The following NCKIPSD variants were observed in gnomAD, a reference collection of about 807,000 sequenced individuals.
NCKIPSD encodes the protein NCK interacting protein with SH3 domain.
Under a neutral mutation model 73.4 loss-of-function variants are expected in NCKIPSD, and 48 were observed. The observed-to-expected ratio is 0.65, with a 90% CI of 0.52 to 0.83. The LOEUF is 0.83. Among genes scored for constraint, NCKIPSD ranks in the 40% least tolerant of loss-of-function variants. NCKIPSD has a pLI of 0.00. For synonymous variants in NCKIPSD, 422 were observed against 403.6 expected (o/e 1.05, Z -0.54); for missense variants, 884 against 970.2 (o/e 0.91, Z 1.18).
At position 48,674,512 on chromosome 3, in the gene NCKIPSD, T is replaced by G; in HGVS notation, c.*32A>C. On this transcript the variant is annotated 3_prime_UTR_variant, in exon 13 of 13. Transcript: ENST00000294129. ...GCCCCTGAGTCCCCTGCACACTGAC[T>G]GGAGCTGCAGGGAAGGGAGGACAGC... The G allele has an allele frequency of 6.4e-7, 1 of 1,559,744 alleles. No individual in the cohort carries two copies.
At chr3:48,683,080 C>A in intron 1 of NCKIPSD, 68 bp from the exon 2 acceptor site, 1 of 1,540,764 alleles carries the variant, frequency 6.5e-7, no homozygotes. Context: ...AGGCCCAGCC[C>A]GAGATAGAAC....
chr3:48,679,754 C>T (rs747732269), intron 7 of NCKIPSD, 41 bp from the exon 8 acceptor site: 3 of 1,614,040 alleles, frequency 1.9e-6, no homozygotes, highest in African/African-American at 2.7e-5. Context: ...GGAACTCCCC[C>T]ACTATCTAGG....
chr3:48,679,421 G>C lies in NCKIPSD; in HGVS notation c.1526C>G (p.Ala509Gly), dbSNP rs2077309894. The C allele has an allele frequency of 6.2e-7, 1 of 1,613,916 alleles. No homozygotes were observed. Reference sequence around the variant, plus strand: ...TGCCTCTCCCATGGAGAAGACCATGGCCAGGATGAGGGCAGAGTAACAGAG... The same window carrying C: ...TGCCTCTCCCATGGAGAAGACCATGCCCAGGATGAGGGCAGAGTAACAGAG... ...QKLCYSALIL[A>G]MVFSMGEAVP... Residue 509 changes from alanine (A) to glycine (G), a missense_variant, in exon 9 of 13, where the codon GCC (alanine) becomes GGC (glycine). Physicochemically the swap from Ala to Gly is moderately conservative, Grantham distance 60. Transcript: ENST00000294129.
At position 48,678,927 on chromosome 3, in the gene NCKIPSD, G is replaced by T; in HGVS notation, c.1742C>A (p.Ala581Asp). ...NVIMAALSKH[A>D]NVKIFSEKLL... ...CTTCTCGGAGAAGATCTTGACATTG[G>T]CGTGTTTGCTCAGGGCAGCCATGAT... Residue 581 changes from alanine to aspartate, a missense_variant, in exon 11 of 13, where the codon GCC becomes GAC. Physicochemically the swap from Ala to Asp is moderately radical, Grantham distance 126. Coordinates refer to ENST00000294129, the MANE Select transcript of NCKIPSD (RefSeq NM_016453.4). 1 of 1,614,044 alleles carries T rather than the reference G, an allele frequency of 6.2e-7. No individual in the cohort carries two copies. The highest frequency in any genetic ancestry group is 2.2e-5 in the East Asian group (1 of 44,876).
At chr3:48,685,191 AAGGGAGGGAGGG>A (rs377051084) in intron 1 of NCKIPSD, among the ~76,000 whole-genome samples, 675 of 34,190 alleles carry the variant, frequency 0.02, 35 homozygotes, top group African/African-American at 0.094. Flanking sequence ...GGGAAGAAGG[AAGGGAGGGAGGG>A]AGGGAGGGAG....
rs755358234 is a variant in NCKIPSD at position 48,674,744 on chromosome 3, G to T, written c.1969C>A (p.Arg657Ser). 1 of 1,613,740 alleles carries T rather than the reference G, an allele frequency of 6.2e-7. No homozygotes were observed. The highest frequency in any genetic ancestry group is 1.1e-5 in the South Asian group (1 of 91,032). Reference protein sequence around the residue: ...IADLSPGDKLRMEYLSLMHAI... With the variant: ...IADLSPGDKLSMEYLSLMHAI... The stretch of plus-strand genomic sequence containing the variant: ...TGCATCAGGGAGAGGTACTCCATGC[G>T]CAGCTGTGGGAAGAGCAGGCCAGCT... Residue 657 changes from arginine (R) to serine (S), a missense_variant, in exon 13 of 13, where the codon CGC becomes AGC. Coordinates refer to ENST00000294129, the MANE Select transcript of NCKIPSD (RefSeq NM_016453.4).
intron 1 of NCKIPSD, 132 bp from the exon 2 acceptor site, chr3:48,683,144 A>C: frequency 6.8e-7 from 1 of 1,476,922 alleles, no homozygotes; most frequent in Non-Finnish European, 9.1e-7. Flanking sequence ...ATAGCACAAA[A>C]AGTTGAACCA....
rs762302886 is a variant in NCKIPSD at position 48,681,308 on chromosome 3, G to A, written c.1071C>T (p.Leu357=). The part of the protein sequence containing the change: ...PASSPVMEQV[L]LSLVEGKDLS... ...TCACCTTGCCCTCTACGAGTGAGAG[G>A]AGGACCTGCTCCATGACTGGTGAGC... The change falls in exon 5 of 13, where the codon CTC becomes CTT. Residue 357 remains leucine, a synonymous_variant. Transcript: ENST00000294129. 9 of 1,607,598 alleles carry A rather than the reference G, an allele frequency of 5.6e-6. No homozygotes were observed. The highest frequency in any genetic ancestry group is 5.9e-6 in the Non-Finnish European group (7 of 1,178,536).
chr3:48,678,825 A>T, intron 11 of NCKIPSD, 52 bp downstream of exon 11: 3 of 1,613,648 alleles, frequency 1.9e-6, no homozygotes, highest in Non-Finnish European at 2.5e-6. Flanking sequence ...TGCAGGGGTC[A>T]TGGAGTCACA....
In NCKIPSD at chr3:48,682,530, C is replaced by G. The variant is rs2077371941; in HGVS notation, c.304G>C (p.Glu102Gln). ...GAAGGGCCTCTGCGTGACAGGGTCT[C>G]TTTCCGGTGGTGGATCAGCTTCCTG... ...VLQKLIHHRK[E>Q]TLSRRGPSAS... Residue 102 changes from glutamate to glutamine, a missense_variant, in exon 3 of 13, where the codon GAG becomes CAG. Coordinates refer to ENST00000294129, the MANE Select transcript of NCKIPSD (RefSeq NM_016453.4). The G allele has an allele frequency of 6.2e-7, 1 of 1,614,058 alleles. No homozygotes were observed. Among genetic ancestry groups the G allele is most frequent in the Non-Finnish European group, 8.5e-7 (1 of 1,179,974 alleles).
At chr3:48,685,597 C>T in intron 1 of NCKIPSD, 40 bp downstream of exon 1, 2 of 1,500,532 alleles carry the variant, frequency 1.3e-6, no homozygotes, top group Non-Finnish European at 8.8e-7. Context: ...GGGGTCCTGC[C>T]CCAGGGGCGC....
At position 48,679,038 on chromosome 3, in the gene NCKIPSD, G is replaced by A; in HGVS notation, c.1699+17C>T. The A allele has an allele frequency of 6.2e-7, 1 of 1,614,136 alleles. No individual in the cohort carries two copies. Among genetic ancestry groups the A allele is most frequent in the Non-Finnish European group, 8.5e-7 (1 of 1,180,014 alleles). On this transcript the variant is annotated intron_variant, in intron 10 of 12. Transcript: ENST00000294129. The stretch of plus-strand genomic sequence containing the variant: ...CCACCATGTGCTCAGCCACCGCCCA[G>A]CCAGGCCCCACCCCACCTGGCAGGT...
At chr3:48,675,346 CTT>C (rs1352334219) in intron 12 of NCKIPSD, among the ~76,000 whole-genome samples, 44 of 151,648 alleles carry the variant, frequency 2.9e-4, no homozygotes, top group Admixed American at 7.9e-4. Context: ...CTCTTTGCTT[CTT>C]GTCTCCCACA....
At position 48,674,373 on chromosome 3, in the gene NCKIPSD, C is replaced by T. The variant is rs2077219830; in HGVS notation, c.*171G>A. On this transcript the variant is annotated 3_prime_UTR_variant, in exon 13 of 13. Transcript: ENST00000294129. ...CAGAACAGCTCCCAGACCATGGTCC[C>T]CAATCCTACACTTGGCCCCTCTCTT... 4.8e-6 allele frequency: 7 copies of T among 1,444,666 alleles called. No individual in the cohort carries two copies. The South Asian group carries it at 8.7e-5, about 18-fold the overall frequency. 89.5% of individuals were successfully genotyped at this position (1,444,666 alleles called of 1,614,324 possible).
chr3:48,676,670 T>A (rs1331528343), intron 12 of NCKIPSD, among the ~76,000 whole-genome samples: 1 of 152,086 alleles, frequency 6.6e-6, no homozygotes, highest in Non-Finnish European at 1.5e-5. Context: ...CTGTGGTCCA[T>A]CAGGTTATAC....
chr3:48,679,647 CT>C lies in NCKIPSD; in HGVS notation c.1416del (p.Ala473ProfsTer13). The C allele has an allele frequency of 6.2e-7, 1 of 1,614,206 alleles. No homozygotes were observed. The highest frequency in any genetic ancestry group is 8.5e-7 in the Non-Finnish European group (1 of 1,180,026). On this transcript the variant is annotated frameshift_variant, in exon 8 of 13. Transcript: ENST00000294129. LOFTEE classifies it high-confidence loss of function. Reference sequence around the variant, plus strand: ...GATGACACAAGCGTGGAGATGATGGCTGCATCCAGGCTGCACATGGCGCCAA... The same window carrying C: ...GATGACACAAGCGTGGAGATGATGGCGCATCCAGGCTGCACATGGCGCCAA... ...KCFGAMCSLD[A>X]AIISTLVSSV... is the part of the protein sequence containing the mutation.
chr3:48,685,196 AG>A (rs2077417035), intron 1 of NCKIPSD, among the ~76,000 whole-genome samples: 1 of 260 alleles, frequency 3.8e-3, no homozygotes, highest in Non-Finnish European at 0.024. Flanking sequence ...GAAGGAAGGG[AG>A]GGAGGGAGGG....
chr3:48,680,010 G>A (rs756741978), intron 6 of NCKIPSD, 49 bp downstream of exon 6: 5 of 1,602,578 alleles, frequency 3.1e-6, no homozygotes, highest in Non-Finnish European at 4.3e-6. Context: ...CTACAGGGTG[G>A]GGGCCACTGT....
In NCKIPSD at chr3:48,685,891, G is replaced by C. The variant is rs1455005425; in HGVS notation, c.-84C>G. ...GCCGGGAGCGCCGAGCCGCGCCGCG[G>C]TTGTCCCGCCCCGTGACACACTACG... On this transcript the variant is annotated 5_prime_UTR_variant, in exon 1 of 13. Transcript: ENST00000294129. The C allele has an allele frequency of 1.6e-6, 2 of 1,275,556 alleles. No homozygotes were observed. Among genetic ancestry groups the C allele is most frequent in the East Asian group, 6.3e-5 (2 of 31,524 alleles). The allele number at this position is 1,275,556 out of a possible 1,614,324, so 79.0% of individuals were successfully genotyped here. A position where few individuals can be genotyped will look rare whatever the true frequency, so the allele number is the denominator to read the frequency against.
Sources: allele counts gnomAD v4.1 joint callset (sites outside exome capture counted in the v4.1 genomes callset), GRCh38; gene constraint gnomAD v4.1.1; transcripts MANE v1.5; gene names NCBI Gene and HGNC (gene_info 2026-07-23, HGNC 2026-07-21).